The following GRIK2 variants were observed in gnomAD, a reference collection of about 807,000 sequenced individuals.
GRIK2 encodes the protein glutamate ionotropic receptor kainate type subunit 2.
A neutral mutation model predicts 100.3 loss-of-function variants in GRIK2; 32 were observed. The observed-to-expected ratio is 0.32, with a 90% confidence interval of 0.24 to 0.43. The LOEUF (loss-of-function observed/expected upper bound fraction) is 0.43, where lower values mean the gene tolerates loss of function less well. GRIK2 is among the 20% of genes least tolerant of loss of function. The probability of loss-of-function intolerance (pLI) is 1.00; values close to 1 mark genes in which losing one functional copy is unlikely to be tolerated. For missense variants in GRIK2, 843 were observed against 1,114.9 expected (o/e 0.76, Z 3.47); for synonymous variants, 417 against 389.4 (o/e 1.07, Z -0.83).
chr6:101,732,098 G>GCA (rs201296140), intron 7 of GRIK2, among the ~76,000 whole-genome samples: 101 of 151,042 alleles, frequency 6.7e-4, no homozygotes, highest in East Asian at 2.9e-3. Flanking sequence ...GTGTTTATAT[G>GCA]CACACACACA....
At chr6:101,596,095 A>C (rs1315100689) in intron 2 of GRIK2, among the ~76,000 whole-genome samples, 1 of 151,240 alleles carries the variant, frequency 6.6e-6, no homozygotes, top group Admixed American at 6.6e-5. Flanking sequence ...ACAACTTCAA[A>C]TTTTAAACTG....
rs139398091 is a variant in GRIK2 at position 101,600,734 on chromosome 6, T to C, written c.116-21215T>C. On this transcript the variant is annotated intron_variant, in intron 2 of 16. Transcript: ENST00000369134. ...GCTTGAACATTATTGGTGTGTAAAA[T>C]GTTACTGATTTTTGTAATTGGTTTT... Among the ~76,000 whole-genome samples, 514 of 151,914 alleles carry C rather than the reference T, an allele frequency of 3.4e-3. 3 individuals are homozygous for C. The highest frequency in any genetic ancestry group is 5.8e-3 in the Non-Finnish European group (396 of 67,870).
intron 14 of GRIK2, among the ~76,000 whole-genome samples, chr6:101,956,793 T>TTATAGA (rs55759390): frequency 0.48 from 70,775 of 147,140 alleles, 17,115 homozygotes; most frequent in African/African-American, 0.53. Context: ...TAAAATTTTC[T>TTATAGA]TATATATATC....
chr6:101,496,945 G>T (rs1039999703), intron 2 of GRIK2, among the ~76,000 whole-genome samples: 5 of 152,046 alleles, frequency 3.3e-5, no homozygotes, highest in African/African-American at 1.2e-4. Context: ...TGGTAAAAGG[G>T]GCTAAGTAGG....
At chr6:101,910,866 T>TACAC (rs1788640783) in intron 12 of GRIK2, among the ~76,000 whole-genome samples, 1 of 106,824 alleles carries the variant, frequency 9.4e-6, no homozygotes, top group African/African-American at 5.8e-5. Flanking sequence ...CACACACACA[T>TACAC]ACACAAGCAT....
At chr6:101,821,924 AAGG>A (rs1172024784) in intron 10 of GRIK2, among the ~76,000 whole-genome samples, 1 of 152,080 alleles carries the variant, frequency 6.6e-6, no homozygotes. Flanking sequence ...AAGGAGATAC[AAGG>A]AGATGTTAAC....
At chr6:101,889,391 A>G (rs1304655827) in intron 11 of GRIK2, among the ~76,000 whole-genome samples, 1 of 151,704 alleles carries the variant, frequency 6.6e-6, no homozygotes, top group Admixed American at 6.6e-5. Context: ...TTTTTTTTCT[A>G]TATCTACTTC....
intron 4 of GRIK2, among the ~76,000 whole-genome samples, chr6:101,657,613 G>A (rs972900344): frequency 6.6e-6 from 1 of 152,060 alleles, no homozygotes; most frequent in Non-Finnish European, 1.5e-5. Context: ...AACAGGTTTT[G>A]TATTTTTATT....
At chr6:101,534,216 G>C (rs918497347) in intron 2 of GRIK2, among the ~76,000 whole-genome samples, 3 of 151,486 alleles carry the variant, frequency 2.0e-5, no homozygotes, top group African/African-American at 4.8e-5. Context: ...TTGCAACTAT[G>C]CATCTCCTAT....
At chr6:101,926,264 T>C (rs1789893193) in intron 13 of GRIK2, among the ~76,000 whole-genome samples, 1 of 151,108 alleles carries the variant, frequency 6.6e-6, no homozygotes, top group East Asian at 1.9e-4. Context: ...TGTAGTTCTT[T>C]CAAAATAACA....
At chr6:101,431,281 T>C (rs1769376626) in intron 2 of GRIK2, 1 of 157,180 alleles carries the variant, frequency 6.4e-6, no homozygotes, top group Admixed American at 6.5e-5. Context: ...CCATGCTTGC[T>C]CTGGGCCTCT....
intron 11 of GRIK2, among the ~76,000 whole-genome samples, chr6:101,875,682 T>A (rs910797884): frequency 6.6e-6 from 1 of 151,880 alleles, no homozygotes; most frequent in African/African-American, 2.4e-5. Flanking sequence ...TCCCCTCCAT[T>A]AATTGGAAGT....
intron 7 of GRIK2, among the ~76,000 whole-genome samples, chr6:101,761,033 C>G (rs1777624536): frequency 6.6e-6 from 1 of 151,992 alleles, no homozygotes; most frequent in Non-Finnish European, 1.5e-5. Context: ...AGAAATGAAT[C>G]TGAACAGAAC....
chr6:101,825,803 T>C (rs973649323), intron 10 of GRIK2, among the ~76,000 whole-genome samples: 1 of 152,054 alleles, frequency 6.6e-6, no homozygotes, highest in Non-Finnish European at 1.5e-5. Context: ...TATGTGAAAA[T>C]GAAATATTTT....
chr6:101,636,009 C>T (rs1408511677), intron 4 of GRIK2, among the ~76,000 whole-genome samples: 1 of 151,970 alleles, frequency 6.6e-6, no homozygotes, highest in East Asian at 1.9e-4. Context: ...GGGTATATAC[C>T]CAAAGGATTA....
At chr6:101,493,208 A>G (rs1343469414) in intron 2 of GRIK2, among the ~76,000 whole-genome samples, 2 of 152,080 alleles carry the variant, frequency 1.3e-5, no homozygotes, top group African/African-American at 4.8e-5. Context: ...AAGAGAAGCA[A>G]TAGGCAAAGG....
chr6:101,926,293 C>T (rs1021173115), intron 13 of GRIK2, among the ~76,000 whole-genome samples: 2 of 150,186 alleles, frequency 1.3e-5, no homozygotes, highest in South Asian at 2.1e-4. Flanking sequence ...TGAAAAAGCC[C>T]GTCATATGGC....
chr6:101,984,367 G>T (rs1793892390), intron 14 of GRIK2, among the ~76,000 whole-genome samples: 2 of 151,386 alleles, frequency 1.3e-5, no homozygotes, highest in African/African-American at 4.8e-5. Context: ...TAACTACCTT[G>T]CTTGGGTATA....
intron 12 of GRIK2, among the ~76,000 whole-genome samples, chr6:101,901,194 CCT>C (rs1787823740): frequency 6.6e-6 from 1 of 151,702 alleles, no homozygotes; most frequent in Non-Finnish European, 1.5e-5. Flanking sequence ...ACAAGACAAA[CCT>C]ATGTTTTTTT....
Sources: allele counts gnomAD v4.1 joint callset (sites outside exome capture counted in the v4.1 genomes callset), GRCh38; gene constraint gnomAD v4.1.1; transcripts MANE v1.5; gene names NCBI Gene and HGNC (gene_info 2026-07-23, HGNC 2026-07-21).